The following FOXP1 variants were observed in gnomAD, a reference collection of about 807,000 sequenced individuals.
The protein encoded by FOXP1 is forkhead box P1.
In FOXP1, 15 loss-of-function variants were observed where a neutral mutation model predicts 98.2. The observed-to-expected ratio is 0.15, with a 90% CI of 0.10 to 0.24. The LOEUF (loss-of-function observed/expected upper bound fraction) is 0.24. FOXP1 is among the 10% of genes least tolerant of loss of function. The probability of loss-of-function intolerance (pLI) is 1.00; values close to 1 mark genes in which losing one functional copy is unlikely to be tolerated. For synonymous variants in FOXP1, 371 were observed against 314.5 expected (o/e 1.18, Z -1.90); for missense variants, 633 against 848.5 (o/e 0.75, Z 3.15).
At chr3:70,974,714 G>T (rs977091045) in intron 17 of FOXP1, among the ~76,000 whole-genome samples, 5 of 152,190 alleles carry the variant, frequency 3.3e-5, no homozygotes, top group African/African-American at 9.7e-5. Context: ...AATCCAGACA[G>T]GGCATGACAC....
intron 6 of FOXP1, among the ~76,000 whole-genome samples, chr3:71,139,492 TAAA>T (rs913590340): frequency 1.4e-5 from 2 of 142,888 alleles, no homozygotes; most frequent in Non-Finnish European, 3.1e-5. Context: ...GTAGAGTGAT[TAAA>T]AAAAAAAAAA....
intron 10 of FOXP1, among the ~76,000 whole-genome samples, chr3:71,044,475 T>C (rs759476130): frequency 1.3e-5 from 2 of 152,124 alleles, no homozygotes; most frequent in Non-Finnish European, 2.9e-5. Context: ...TACAATAACC[T>C]TAAAAACAAC....
chr3:71,225,905 G>A (rs879557034), intron 5 of FOXP1, among the ~76,000 whole-genome samples: 46 of 152,130 alleles, frequency 3.0e-4, no homozygotes, highest in Admixed American at 2.4e-3. Context: ...GGCCCAAGAC[G>A]GACTGAGAAA....
chr3:71,410,587 TTGTATCA>T, intron 3 of FOXP1, among the ~76,000 whole-genome samples: 1 of 152,338 alleles, frequency 6.6e-6, no homozygotes, highest in South Asian at 2.1e-4. Flanking sequence ...TCCACACACA[TTGTATCA>T]ATGTTTCATG....
chr3:71,262,049 C>G (rs13077500), intron 5 of FOXP1, among the ~76,000 whole-genome samples: 1 of 151,474 alleles, frequency 6.6e-6, no homozygotes. Flanking sequence ...GGCGGGATCA[C>G]GAGGTCAGGA....
At chr3:71,054,075 ATT>A (rs1359678955) in intron 7 of FOXP1, among the ~76,000 whole-genome samples, 1 of 152,248 alleles carries the variant, frequency 6.6e-6, no homozygotes, top group Admixed American at 6.5e-5. Context: ...TCAATTGCTT[ATT>A]GAGAGTGAGT....
chr3:71,389,132 C>T (rs1222740105), intron 3 of FOXP1, among the ~76,000 whole-genome samples: 1 of 150,706 alleles, frequency 6.6e-6, no homozygotes, highest in African/African-American at 2.4e-5. Context: ...GGCAACATTC[C>T]ATCACTTTTT....
At chr3:71,148,752 T>C (rs2108048980) in intron 6 of FOXP1, among the ~76,000 whole-genome samples, 1 of 152,342 alleles carries the variant, frequency 6.6e-6, no homozygotes, top group East Asian at 1.9e-4. Context: ...GAATCTATGG[T>C]TATCTTTTAT....
rs1206553564 is a variant in FOXP1, at chr3:70,958,367, G to C, written c.*880C>G. On this transcript the variant is annotated 3_prime_UTR_variant, in exon 21 of 21. Transcript: ENST00000649528. ...GGCAGGACGTCACGTCTGTGTGAGAGGGCCTTCATGTGTAGAGTGCAGCAT... is the reference window on the plus strand; with the variant it reads ...GGCAGGACGTCACGTCTGTGTGAGACGGCCTTCATGTGTAGAGTGCAGCAT... 1 of 531,688 alleles carries C rather than the reference G, an allele frequency of 1.9e-6. No individual in the cohort carries two copies. Among genetic ancestry groups the C allele is most frequent in the East Asian group, 3.9e-5 (1 of 25,630 alleles). The allele number at this position is 531,688 out of a possible 1,614,324, so 32.9% of individuals were successfully genotyped here.
At chr3:71,188,578 C>T (rs983531682) in intron 6 of FOXP1, among the ~76,000 whole-genome samples, 2 of 152,030 alleles carry the variant, frequency 1.3e-5, no homozygotes, top group Admixed American at 6.6e-5. Context: ...CCAACACGCC[C>T]GGCTAATTTT....
chr3:71,292,211 A>C (rs183095289), intron 5 of FOXP1, among the ~76,000 whole-genome samples: 1 of 152,240 alleles, frequency 6.6e-6, no homozygotes, highest in Admixed American at 6.5e-5. Flanking sequence ...CAACCTCCAG[A>C]AAAAAAAGAC....
chr3:71,175,667 C>G (rs1228915386), intron 6 of FOXP1, among the ~76,000 whole-genome samples: 1 of 152,266 alleles, frequency 6.6e-6, no homozygotes, highest in Admixed American at 6.5e-5. Flanking sequence ...GGGTAATCAG[C>G]TGACTTCATA....
intron 13 of FOXP1, among the ~76,000 whole-genome samples, chr3:70,990,832 G>T (rs185501670): frequency 6.6e-6 from 1 of 152,116 alleles, no homozygotes; most frequent in African/African-American, 2.4e-5. Flanking sequence ...GGGTGAAAAC[G>T]GTTAAGGATG....
At chr3:71,419,275 G>A (rs1226197709) in intron 3 of FOXP1, among the ~76,000 whole-genome samples, 1 of 149,088 alleles carries the variant, frequency 6.7e-6, no homozygotes, top group East Asian at 1.9e-4. Flanking sequence ...GGAGGGGAGG[G>A]GAGGGAAGGA....
intron 11 of FOXP1, among the ~76,000 whole-genome samples, chr3:71,016,155 T>C (rs1346094464): frequency 6.6e-6 from 1 of 152,176 alleles, no homozygotes; most frequent in African/African-American, 2.4e-5. Flanking sequence ...TTTGGAATAA[T>C]ACCAAAATAA....
chr3:71,069,609 T>A (rs919324271), intron 7 of FOXP1, among the ~76,000 whole-genome samples: 1 of 152,168 alleles, frequency 6.6e-6, no homozygotes, highest in Non-Finnish European at 1.5e-5. Context: ...CAAAGTGCTG[T>A]ACCCTTCAGA....
intron 18 of FOXP1, chr3:70,971,160 G>A: frequency 3.0e-6 from 1 of 336,942 alleles, no homozygotes; most frequent in Non-Finnish European, 5.7e-6. Flanking sequence ...GGGGAAGGCA[G>A]TGAGCTCACA....
intron 2 of FOXP1, chr3:71,571,426 A>G (rs1462446596): frequency 6.6e-6 from 1 of 152,216 alleles, no homozygotes; most frequent in Non-Finnish European, 1.5e-5. Flanking sequence ...TTCTTCAGGG[A>G]AACACTATCT....
intron 5 of FOXP1, among the ~76,000 whole-genome samples, chr3:71,218,571 T>C (rs1231856894): frequency 3.9e-5 from 6 of 152,158 alleles, no homozygotes; most frequent in Non-Finnish European, 7.4e-5. Context: ...AAAGCAGGGG[T>C]CTGCAAACTT....
Sources: gnomAD v4.1 joint callset for allele counts (sites outside exome capture counted in the v4.1 genomes callset) on GRCh38, gnomAD v4.1.1 for gene constraint, MANE v1.5 for transcripts, NCBI Gene and HGNC (gene_info 2026-07-23, HGNC 2026-07-21) for gene names.